Variants in UNC13C observed in about 807,000 individuals in gnomAD.
UNC13C encodes unc-13 homolog C, also known as protein unc-13 homolog C.
A neutral mutation model predicts 245.4 loss-of-function variants in UNC13C; 174 were observed. That is an observed-to-expected ratio of 0.71 (90% confidence interval 0.63 to 0.80). UNC13C has a LOEUF of 0.80. Ranked by LOEUF, UNC13C falls within the 30% of genes least tolerant of loss-of-function variation. The probability of loss-of-function intolerance (pLI) is 0.00; values close to 1 mark genes in which losing one functional copy is unlikely to be tolerated. For synonymous variants in UNC13C, 992 were observed against 895.1 expected, an observed-to-expected ratio of 1.11 and a Z score of -1.93; for missense variants, 2,829 against 2,602.9, an observed-to-expected ratio of 1.09 and a Z score of -1.89.
chr15:54,542,691 C>T (rs550438185), intron 26 of UNC13C, among the ~76,000 whole-genome samples: 1 of 151,972 alleles, frequency 6.6e-6, no homozygotes, highest in Admixed American at 6.6e-5. Flanking sequence ...TCCTGTATTG[C>T]GTGCATATAT....
rs1161074580 is a variant in UNC13C, at chr15:54,014,588, A to T, written c.1685A>T (p.Glu562Val). The T allele has an allele frequency of 6.2e-7, 1 of 1,613,630 alleles. No individual in the cohort carries two copies. Among genetic ancestry groups the T allele is most frequent in the African/African-American group, 1.3e-5 (1 of 74,920 alleles). Reference sequence around the variant, plus strand: ...TCCAAATTGTGTCAGTCTTACTCAGAAGATTTTTCAGAAAATCAGTTTTTC... The same window carrying T: ...TCCAAATTGTGTCAGTCTTACTCAGTAGATTTTTCAGAAAATCAGTTTTTC... Reference protein sequence around the residue: ...DFSKLCQSYSEDFSENQFFTR... With the variant: ...DFSKLCQSYSVDFSENQFFTR... Residue 562 changes from glutamate to valine, a missense_variant, in exon 2 of 33, where the codon GAA (glutamate) becomes GTA (valine). Coordinates refer to ENST00000260323, the MANE Select transcript of UNC13C (RefSeq NM_001080534.3).
At chr15:54,210,276 A>T (rs866945088) in intron 4 of UNC13C, among the ~76,000 whole-genome samples, 6 of 149,838 alleles carry the variant, frequency 4.0e-5, no homozygotes, top group Admixed American at 1.3e-4. Context: ...AACCAGTGTT[A>T]ATTTTTCTTG....
intron 4 of UNC13C, among the ~76,000 whole-genome samples, chr15:54,198,983 G>A (rs2034442187): frequency 1.3e-5 from 2 of 151,866 alleles, no homozygotes; most frequent in African/African-American, 2.4e-5. Flanking sequence ...GAAACAAAAA[G>A]CATAAATAAA....
chr15:54,028,429 C>T (rs981524285), intron 2 of UNC13C, among the ~76,000 whole-genome samples: 4 of 152,174 alleles, frequency 2.6e-5, no homozygotes, highest in Non-Finnish European at 4.4e-5. Flanking sequence ...ACTAATCCAT[C>T]ACGTCTCAGC....
the UNC13C span, among the ~76,000 whole-genome samples, chr15:53,853,212 C>G: frequency 3.3e-5 from 5 of 152,078 alleles, no homozygotes; most frequent in African/African-American, 1.2e-4. Flanking sequence ...GTGTGTTCTT[C>G]CCCACCATGT....
chr15:54,534,312 C>G (rs774103572), intron 26 of UNC13C, among the ~76,000 whole-genome samples: 4 of 152,162 alleles, frequency 2.6e-5, no homozygotes, highest in Non-Finnish European at 5.9e-5. Flanking sequence ...CCAAGTTAAG[C>G]CTTGGCCCCC....
rs554054191 is a variant in UNC13C at position 54,491,091 on chromosome 15, C to A, written c.4934-3517C>A. ...GATCAATGTGTTTATATTTATATTTCCAATGCCTCACATGCAACCTGGGGC... is the reference window on the plus strand; with the variant it reads ...GATCAATGTGTTTATATTTATATTTACAATGCCTCACATGCAACCTGGGGC... On this transcript the variant is annotated intron_variant, in intron 19 of 32. Coordinates refer to ENST00000260323, the MANE Select transcript of UNC13C (RefSeq NM_001080534.3). Among the ~76,000 whole-genome samples, 10 of 152,290 alleles carry A rather than the reference C, an allele frequency of 6.6e-5. 1 individual carries two copies. Among genetic ancestry groups the A allele is most frequent in the Middle Eastern group, 3.4e-3 (1 of 294 alleles).
chr15:54,340,755 C>T (rs571441673), intron 17 of UNC13C, among the ~76,000 whole-genome samples: 12 of 152,134 alleles, frequency 7.9e-5, no homozygotes, highest in African/African-American at 2.7e-4. Context: ...CTTAGTCTTG[C>T]TTTGGCTGTG....
chr15:53,898,275 C>T, the UNC13C span, among the ~76,000 whole-genome samples: 1 of 151,990 alleles, frequency 6.6e-6, no homozygotes, highest in African/African-American at 2.4e-5. Flanking sequence ...ATTTTTAAAC[C>T]AGTCATGCTT....
At chr15:54,315,099 C>G (rs2037975823) in intron 13 of UNC13C, among the ~76,000 whole-genome samples, 1 of 151,752 alleles carries the variant, frequency 6.6e-6, no homozygotes. Context: ...TCAGAGTCAT[C>G]TTTTCAAATT....
intron 30 of UNC13C, among the ~76,000 whole-genome samples, chr15:54,574,513 G>T (rs371576918): frequency 6.6e-6 from 1 of 152,174 alleles, no homozygotes; most frequent in African/African-American, 2.4e-5. Context: ...ATTAAATACA[G>T]TTTTTTCAAT....
At chr15:54,217,626 A>G (rs960250095) in intron 4 of UNC13C, among the ~76,000 whole-genome samples, 2 of 151,964 alleles carry the variant, frequency 1.3e-5, no homozygotes, top group African/African-American at 4.8e-5. Context: ...CTCTGATCAA[A>G]TAATTGCTAC....
intron 4 of UNC13C, among the ~76,000 whole-genome samples, chr15:54,152,880 G>A (rs991106116): frequency 3.3e-5 from 5 of 151,962 alleles, no homozygotes; most frequent in African/African-American, 1.2e-4. Flanking sequence ...GGAACACTGA[G>A]GGTGATAATT....
the UNC13C span, among the ~76,000 whole-genome samples, chr15:53,960,891 C>CA: frequency 6.6e-6 from 1 of 152,122 alleles, no homozygotes; most frequent in African/African-American, 2.4e-5. Context: ...ATCACAGACA[C>CA]AAAATATAAT....
At chr15:54,361,447 T>C (rs368924256) in intron 17 of UNC13C, among the ~76,000 whole-genome samples, 17 of 152,230 alleles carry the variant, frequency 1.1e-4, no homozygotes, top group East Asian at 3.8e-4. Flanking sequence ...CCTGAACTTC[T>C]TTAAGGAGAT....
Position 54,294,048 on chromosome 15 carries a change from T to G in UNC13C, c.3972T>G (p.Asp1324Glu). 1 of 1,555,496 alleles carries G rather than the reference T, an allele frequency of 6.4e-7. No homozygotes were observed. Among genetic ancestry groups the G allele is most frequent in the Non-Finnish European group, 8.6e-7 (1 of 1,157,774 alleles). Residue 1324 changes from aspartate (D) to glutamate (E), a missense_variant, in exon 11 of 33, where the codon GAT becomes GAG. By Grantham distance (45) the Asp-to-Glu change is conservative (BLOSUM62 2). Transcript: ENST00000260323. ...VEVRTLSGEM[D>E]VWYNLEKRTD... The stretch of plus-strand genomic sequence containing the variant: ...TGAGGACCTTGAGTGGAGAAATGGA[T>G]GTCTGGTACAACTTAGGTGATTTTT...
chr15:54,482,386 G>T (rs1338316280), intron 19 of UNC13C, among the ~76,000 whole-genome samples: 2 of 152,124 alleles, frequency 1.3e-5, no homozygotes, highest in Non-Finnish European at 2.9e-5. Context: ...CCAATCAAGT[G>T]AACTCGCAGC....
intron 2 of UNC13C, among the ~76,000 whole-genome samples, chr15:54,118,488 A>G (rs755915208): frequency 8.5e-5 from 13 of 152,048 alleles, no homozygotes; most frequent in Admixed American, 3.3e-4. Context: ...TGATTTTTGC[A>G]TGTTGATTTT....
intron 18 of UNC13C, among the ~76,000 whole-genome samples, chr15:54,409,063 A>T (rs533777649): frequency 6.6e-6 from 1 of 152,168 alleles, no homozygotes; most frequent in African/African-American, 2.4e-5. Context: ...GAGTCATTAG[A>T]TAACTATGAG....
Sources: allele counts gnomAD v4.1 joint callset (sites outside exome capture counted in the v4.1 genomes callset), GRCh38; gene constraint gnomAD v4.1.1; transcripts MANE v1.5; gene names NCBI Gene and HGNC (gene_info 2026-07-23, HGNC 2026-07-21).